Variants in PARP8 observed in about 807,000 individuals in gnomAD.
The protein encoded by PARP8 is poly(ADP-ribose) polymerase family member 8, also known as protein mono-ADP-ribosyltransferase PARP8.
PARP8 carries 51 observed loss-of-function variants against 124.1 expected under a neutral mutation model. The observed-to-expected ratio is 0.41, with a 90% CI of 0.33 to 0.52. The LOEUF (loss-of-function observed/expected upper bound fraction) is 0.52. PARP8 is among the 20% of genes least tolerant of loss of function. The pLI is 0.21. For missense variants in PARP8, 860 were observed against 1,018.9 expected (o/e 0.84, Z 2.12); for synonymous variants, 391 against 361.5 (o/e 1.08, Z -0.93).
rs376420824 is a variant in PARP8 at position 50,698,088 on chromosome 5, A to G, written c.146+29963A>G. On this transcript the variant is annotated intron_variant, in intron 2 of 25. Coordinates refer to ENST00000281631, the MANE Select transcript of PARP8 (RefSeq NM_024615.4). ...CAGTTTTACACATTTAGATATGACT[A>G]TGGAAGATATGACCTTCATGAAGAC... 1.9e-3 allele frequency among the ~76,000 whole-genome samples: 286 copies of G among 152,322 alleles called. 1 individual carries two copies. Among genetic ancestry groups the G allele is most frequent in the African/African-American group, 6.4e-3 (265 of 41,574 alleles).
chr5:50,835,002 C>T lies in PARP8; in HGVS notation c.2449C>T (p.Arg817Ter), dbSNP rs771712825. Residue 817 changes from arginine (R) to a stop codon, truncating the protein, a stop_gained, in exon 25 of 26, where the codon CGA becomes TGA. Coordinates refer to ENST00000281631, the MANE Select transcript of PARP8 (RefSeq NM_024615.4). LOFTEE classifies it high-confidence loss of function. ...VVPNTDHVCT[R>*]FFFVYEDGQV... is the part of the protein sequence containing the mutation. ...CCCCAATACTGACCATGTCTGCACA[C>T]GATTCTTTTTCGTGTAAGTGGAAAT... The T allele has an allele frequency of 3.7e-6, 6 of 1,612,636 alleles. No individual in the cohort carries two copies. Among genetic ancestry groups the T allele is most frequent in the East Asian group, 2.2e-5 (1 of 44,788 alleles).
rs551665220 is a variant in PARP8 at position 50,791,842 on chromosome 5, G to A, written c.738-2365G>A. Reference sequence around the variant, plus strand: ...ATGTAGAGCTCCACATTTGTAAAACGAAATTCAATTTACAACTTAAAAGTG... The same window carrying A: ...ATGTAGAGCTCCACATTTGTAAAACAAAATTCAATTTACAACTTAAAAGTG... On this transcript the variant is annotated intron_variant, in intron 10 of 25. Transcript: ENST00000281631. 7.2e-5 allele frequency among the ~76,000 whole-genome samples: 11 copies of A among 152,122 alleles called. No individual in the cohort carries two copies. The South Asian group carries it at 1.2e-3, about 17-fold the overall frequency.
At chr5:50,833,503 C>G (rs1747218564) in intron 23 of PARP8, 1 of 361,764 alleles carries the variant, frequency 2.8e-6, no homozygotes, top group African/African-American at 2.2e-5. Flanking sequence ...TATAGCTAAT[C>G]TAATATCTGA....
At chr5:50,692,667 T>G (rs1439756082) in intron 2 of PARP8, among the ~76,000 whole-genome samples, 1 of 152,128 alleles carries the variant, frequency 6.6e-6, no homozygotes, top group Non-Finnish European at 1.5e-5. Flanking sequence ...GGTTTCTTTT[T>G]CTTGATTTCA....
At chr5:50,707,680 C>T (rs1754303836) in intron 2 of PARP8, among the ~76,000 whole-genome samples, 1 of 150,170 alleles carries the variant, frequency 6.7e-6, no homozygotes, top group South Asian at 2.1e-4. Context: ...CCAGTATTAT[C>T]CTGCTTTTAT....
Position 50,830,025 on chromosome 5 carries a change from C to T in PARP8, c.2233+64C>T. On this transcript the variant is annotated intron_variant, in intron 22 of 25. Coordinates refer to ENST00000281631, the MANE Select transcript of PARP8 (RefSeq NM_024615.4). ...GGTTTTAATTTTCTTATTGTTTATA[C>T]TCTATTCACAGCTTTCTATTGTGCC... 3 of 1,548,052 alleles carry T rather than the reference C, an allele frequency of 1.9e-6. No individual in the cohort carries two copies. In the Admixed American group the frequency reaches 5.3e-5, roughly 28 times the overall value.
rs1009809955 is a variant in PARP8, at chr5:50,788,381, C to T, written c.671-142C>T. ...TCCTATGTGCATATAGCATAAATAG[C>T]ATTGTTTAGGACTGCATGTACACTG... is the stretch of plus-strand genomic sequence containing the variant. On this transcript the variant is annotated intron_variant, in intron 9 of 25. Transcript: ENST00000281631. 1.9e-5 allele frequency: 11 copies of T among 577,262 alleles called. No homozygotes were observed. The African/African-American group carries it at 1.9e-4, about 10-fold the overall frequency. 35.8% of individuals were successfully genotyped at this position (577,262 alleles called of 1,614,324 possible). A position where few individuals can be genotyped will look rare whatever the true frequency, so the allele number is the denominator to read the frequency against.
chr5:50,725,303 G>A (rs1332169923), intron 2 of PARP8, among the ~76,000 whole-genome samples: 1 of 151,866 alleles, frequency 6.6e-6, no homozygotes, highest in African/African-American at 2.4e-5. Flanking sequence ...TTTTGTCGAT[G>A]TAATAGTTTA....
chr5:50,699,285 T>G (rs1753346663), intron 2 of PARP8, among the ~76,000 whole-genome samples: 1 of 152,236 alleles, frequency 6.6e-6, no homozygotes, highest in Non-Finnish European at 1.5e-5. Context: ...AAAGGAGCAC[T>G]GGGTTCATTG....
Position 50,759,624 on chromosome 5 carries a change from T to TC in PARP8, c.185-19_185-18insC. 8 of 1,089,912 alleles carry TC rather than the reference T, an allele frequency of 7.3e-6. No homozygotes were observed. The highest frequency in any genetic ancestry group is 2.3e-4 in the Middle Eastern group (1 of 4,330). 67.5% of individuals were successfully genotyped at this position (1,089,912 alleles called of 1,614,324 possible). A position where few individuals can be genotyped will look rare whatever the true frequency, so the allele number is the denominator to read the frequency against. ...TTTAAACTTATGCCTTTCATTATCT[T>TC]TTTTTTTTTTTTTTGCAGATAATAC... On this transcript the variant is annotated intron_variant, in intron 3 of 25. Coordinates refer to ENST00000281631, the MANE Select transcript of PARP8 (RefSeq NM_024615.4).
Position 50,767,974 on chromosome 5 carries a change from T to C in PARP8, c.518+4732T>C, listed in dbSNP as rs145882244. 8.9e-4 allele frequency among the ~76,000 whole-genome samples: 136 copies of C among 152,202 alleles called. 1 individual carries two copies. The highest frequency in any genetic ancestry group is 3.0e-3 in the African/African-American group (126 of 41,536). On this transcript the variant is annotated intron_variant, in intron 7 of 25. Transcript: ENST00000281631. ...AGGCTTACTTCCTAGGAACATGTGG[T>C]AGAGTTGCATGCATGCACGTATGTG... is the stretch of plus-strand genomic sequence containing the variant.
At chr5:50,678,567 TGA>T (rs928916578) in intron 2 of PARP8, among the ~76,000 whole-genome samples, 1 of 152,180 alleles carries the variant, frequency 6.6e-6, no homozygotes, top group African/African-American at 2.4e-5. Flanking sequence ...TATAGATATA[TGA>T]GAGAGAAATG....
At chr5:50,744,123 T>G (rs1367792051) in intron 2 of PARP8, among the ~76,000 whole-genome samples, 1 of 152,184 alleles carries the variant, frequency 6.6e-6, no homozygotes, top group Admixed American at 6.5e-5. Flanking sequence ...AGATAATGAA[T>G]TGGTGCATCG....
intron 3 of PARP8, among the ~76,000 whole-genome samples, chr5:50,755,984 T>C (rs1469838863): frequency 6.6e-6 from 1 of 152,106 alleles, no homozygotes; most frequent in East Asian, 1.9e-4. Flanking sequence ...TCTCTGTTTG[T>C]CTGTTATTGG....
chr5:50,784,044 A>C (rs1000094818), intron 9 of PARP8, among the ~76,000 whole-genome samples: 4 of 152,228 alleles, frequency 2.6e-5, no homozygotes, highest in African/African-American at 7.2e-5. Context: ...TGATTTAAAA[A>C]ATCGGTGATT....
intron 7 of PARP8, among the ~76,000 whole-genome samples, chr5:50,770,233 G>A (rs1489019609): frequency 1.3e-5 from 2 of 152,052 alleles, no homozygotes; most frequent in African/African-American, 4.8e-5. Flanking sequence ...CCACATGGCT[G>A]TAGATAAGAC....
At chr5:50,718,603 G>A (rs1224546366) in intron 2 of PARP8, among the ~76,000 whole-genome samples, 1 of 151,836 alleles carries the variant, frequency 6.6e-6, no homozygotes, top group Non-Finnish European at 1.5e-5. Flanking sequence ...ATTTTACATA[G>A]CATAATGTCC....
At chr5:50,715,729 T>C (rs1580071883) in intron 2 of PARP8, among the ~76,000 whole-genome samples, 2 of 152,148 alleles carry the variant, frequency 1.3e-5, no homozygotes, top group South Asian at 4.1e-4. Context: ...GTATGTTTAC[T>C]TTTTAACTTA....
chr5:50,749,170 A>C (rs1758945314), intron 2 of PARP8, among the ~76,000 whole-genome samples: 1 of 152,140 alleles, frequency 6.6e-6, no homozygotes, highest in Admixed American at 6.5e-5. Context: ...GTGATTTCTG[A>C]TTATATTGGA....
Sources: allele counts gnomAD v4.1 joint callset (sites outside exome capture counted in the v4.1 genomes callset), GRCh38; gene constraint gnomAD v4.1.1; transcripts MANE v1.5; gene names NCBI Gene and HGNC (gene_info 2026-07-23, HGNC 2026-07-21).